Variants in KIF3C observed in about 807,000 individuals in gnomAD.
KIF3C encodes the protein kinesin-like protein KIF3C.
In KIF3C, 12 loss-of-function variants were observed where a neutral mutation model predicts 67.7. The ratio of observed to expected loss-of-function variants is 0.18; its 90% CI spans 0.11 to 0.29. The LOEUF is 0.29. Among genes scored for constraint, KIF3C ranks in the 10% least tolerant of loss-of-function variants. KIF3C has a pLI of 1.00. For synonymous variants in KIF3C, 393 were observed against 426.2 expected (o/e 0.92, Z 0.96); for missense variants, 789 against 1,059.6 (o/e 0.74, Z 3.55).
intron 4 of KIF3C, among the ~76,000 whole-genome samples, chr2:25,952,487 A>C (rs1431878920): frequency 6.6e-6 from 1 of 151,986 alleles, no homozygotes; most frequent in East Asian, 1.9e-4. Context: ...TTGATAGCAC[A>C]ATAGGGTGAC....
At chr2:25,953,836 T>G (rs1663725148) in intron 4 of KIF3C, among the ~76,000 whole-genome samples, 2 of 151,556 alleles carry the variant, frequency 1.3e-5, no homozygotes, top group African/African-American at 2.4e-5. Context: ...CCCGGCTAAT[T>G]TTTGTATTTT....
chr2:25,964,587 C>T (rs1451807679), intron 1 of KIF3C, among the ~76,000 whole-genome samples: 7 of 152,198 alleles, frequency 4.6e-5, no homozygotes, highest in African/African-American at 1.7e-4. Flanking sequence ...CCACCTCAGC[C>T]TTCTGAGTAG....
In KIF3C at chr2:25,981,718, C is replaced by G; in HGVS notation, c.200G>C (p.Ser67Thr). 1.2e-6 allele frequency: 2 copies of G among 1,613,514 alleles called. No homozygotes were observed. Among genetic ancestry groups the G allele is most frequent in the Non-Finnish European group, 1.7e-6 (2 of 1,179,578 alleles). ...GTCATACAGGTCGGCCTGCTTGGAG[C>G]TGGCATCATACACGGCGTCAAAGGT... The part of the protein sequence containing the change: ...TFTFDAVYDA[S>T]SKQADLYDET... The change falls in exon 1 of 8, where the codon AGC becomes ACC. Residue 67 changes from serine to threonine, a missense_variant. Coordinates refer to ENST00000264712, the MANE Select transcript of KIF3C (RefSeq NM_002254.8). The surrounding 1 kb of genome is among the most constrained non-coding windows in gnomAD (Gnocchi z 8.2).
chr2:25,956,286 C>G (rs913840358), intron 2 of KIF3C, 57 bp downstream of exon 2: 19 of 1,320,166 alleles, frequency 1.4e-5, no homozygotes, highest in Non-Finnish European at 2.1e-5. Flanking sequence ...CCTGCACCTC[C>G]CAGACATGAG....
chr2:25,926,981 A>G lies in KIF3C; in HGVS notation c.*1997T>C, dbSNP rs1040717618. 7 of 152,572 alleles carry G rather than the reference A, an allele frequency of 4.6e-5. No individual in the cohort carries two copies. The highest frequency in any genetic ancestry group is 1.0e-4 in the Non-Finnish European group (7 of 68,066). The allele number at this position is 152,572 out of a possible 1,614,324, so 9.5% of individuals were successfully genotyped here. A position where few individuals can be genotyped will look rare whatever the true frequency, so the allele number is the denominator to read the frequency against. ...AGCCACTCCTGGTGGCCCTGTTCCC[A>G]GCAGATCTTACACTGAGTGTAGAGT... On this transcript the variant is annotated 3_prime_UTR_variant, in exon 8 of 8. Coordinates refer to ENST00000264712, the MANE Select transcript of KIF3C (RefSeq NM_002254.8).
intron 5 of KIF3C, among the ~76,000 whole-genome samples, chr2:25,930,588 A>G (rs1170314721): frequency 6.6e-6 from 1 of 151,774 alleles, no homozygotes; most frequent in East Asian, 1.9e-4. Context: ...CCCATGCTGG[A>G]GTGCAATGGC....
intron 1 of KIF3C, among the ~76,000 whole-genome samples, chr2:25,963,019 T>A (rs11900793): frequency 0.39 from 11,584 of 29,880 alleles, 2,708 homozygotes; most frequent in Middle Eastern, 0.47. Flanking sequence ...ATAATATATA[T>A]AATATATAAT....
Position 25,980,237 on chromosome 2 carries a change from T to C in KIF3C, c.1545+136A>G, listed in dbSNP as rs1202730643. On this transcript the variant is annotated intron_variant, in intron 1 of 7. Transcript: ENST00000264712. This position sits in a 1 kb window ranked among gnomAD's most constrained non-coding sequence, Gnocchi z 7.6. ...TTTGCCTGGCTGCTCTGGGGGCACA[T>C]TTGGCAGGAGGGCAGTGTGCGGTGC... The C allele has an allele frequency of 2.8e-6, 2 of 722,250 alleles. No individual in the cohort carries two copies. The highest frequency in any genetic ancestry group is 1.9e-5 in the South Asian group (1 of 52,822). The allele number at this position is 722,250 out of a possible 1,614,324, so 44.7% of individuals were successfully genotyped here.
At chr2:25,930,085 A>G in intron 5 of KIF3C, 22 bp from the exon 6 acceptor site, 1 of 1,586,358 alleles carries the variant, frequency 6.3e-7, no homozygotes, top group Non-Finnish European at 8.7e-7. Flanking sequence ...AGGCTATATT[A>G]GAAAGGATTT....
rs1458627267 is a variant in KIF3C at position 25,929,029 on chromosome 2, G to T, written c.2331C>A (p.Ala777=). 3.0e-5 allele frequency: 48 copies of T among 1,613,782 alleles called. No homozygotes were observed. Among genetic ancestry groups the T allele is most frequent in the Non-Finnish European group, 4.0e-5 (47 of 1,179,980 alleles). Residue 777 remains alanine, a synonymous_variant, in exon 8 of 8, where the codon GCC becomes GCA. Transcript: ENST00000264712. Reference sequence around the variant, plus strand: ...GGCGCAGAGAAGCAGAGGCCAGGGAGGCATGTGTGGTGGAAGGTGGAGGCC... The same window carrying T: ...GGCGCAGAGAAGCAGAGGCCAGGGATGCATGTGTGGTGGAAGGTGGAGGCC... ...PQRPPPSTTH[A]SLASASLRPA...
chr2:25,966,997 C>T (rs528227224), intron 1 of KIF3C, among the ~76,000 whole-genome samples: 1 of 152,194 alleles, frequency 6.6e-6, no homozygotes, highest in Non-Finnish European at 1.5e-5. Flanking sequence ...TGACCACCAC[C>T]GCCCTAACTC....
chr2:25,943,895 T>C lies in KIF3C; in HGVS notation c.2006+7894A>G, dbSNP rs191561687. Among the ~76,000 whole-genome samples, 43 of 152,274 alleles carry C rather than the reference T, an allele frequency of 2.8e-4. No homozygotes were observed. The East Asian group carries it at 7.9e-3, about 28-fold the overall frequency. ...AAAAAAAAATCCTAGAACCATTTTT[T>C]ACTTGCCTTTTCTATTTTTGTATTT... On this transcript the variant is annotated intron_variant, in intron 5 of 7. Transcript: ENST00000264712.
chr2:25,930,627 T>C (rs533272477), intron 5 of KIF3C, among the ~76,000 whole-genome samples: 1 of 152,306 alleles, frequency 6.6e-6, no homozygotes, highest in South Asian at 2.1e-4. Flanking sequence ...AACCTCTGCC[T>C]CCCGGGTTCA....
At chr2:25,940,650 CTTTTTTTTTTTTT>C (rs70950139) in intron 5 of KIF3C, among the ~76,000 whole-genome samples, 4 of 74,172 alleles carry the variant, frequency 5.4e-5, no homozygotes, top group African/African-American at 1.1e-4. Flanking sequence ...TCAGAATGTT[CTTTTTTTTTTTTT>C]TTTTTTTTTT....
chr2:25,934,969 C>T (rs1035288914), intron 5 of KIF3C, among the ~76,000 whole-genome samples: 12 of 152,074 alleles, frequency 7.9e-5, no homozygotes, highest in African/African-American at 1.2e-4. Flanking sequence ...TATGGCCAGG[C>T]GCAGTGGCTC....
chr2:25,939,649 C>G (rs1663234436), intron 5 of KIF3C, among the ~76,000 whole-genome samples: 3 of 152,160 alleles, frequency 2.0e-5, no homozygotes, highest in African/African-American at 7.2e-5. Flanking sequence ...GAAACACTCT[C>G]TCTTTAAACC....
rs993236848 is a variant in KIF3C, at chr2:25,929,129, A to G, written c.2289-58T>C. The G allele has an allele frequency of 2.0e-6, 3 of 1,504,544 alleles. No individual in the cohort carries two copies. The African/African-American group carries it at 4.1e-5, about 21-fold the overall frequency. 93.2% of individuals were successfully genotyped at this position (1,504,544 alleles called of 1,614,324 possible). ...GTTAGGGAAATACAGGAAACAGGAAAGTGGGTCCTCTCCTTTGCCCCATCC... is the reference window on the plus strand; with the variant it reads ...GTTAGGGAAATACAGGAAACAGGAAGGTGGGTCCTCTCCTTTGCCCCATCC... On this transcript the variant is annotated intron_variant, in intron 7 of 7. Transcript: ENST00000264712.
Position 25,982,059 on chromosome 2 carries a change from G to A in KIF3C, c.-142C>T. 3.1e-6 allele frequency: 2 copies of A among 638,484 alleles called. No individual in the cohort carries two copies. The highest frequency in any genetic ancestry group is 4.5e-5 in the South Asian group (2 of 44,826). The allele number at this position is 638,484 out of a possible 1,614,324, so 39.6% of individuals were successfully genotyped here. A position where few individuals can be genotyped will look rare whatever the true frequency, so the allele number is the denominator to read the frequency against. On this transcript the variant is annotated 5_prime_UTR_variant, in exon 1 of 8. Transcript: ENST00000264712. ...TCCGCATGCAGCCTCCTAGGGTGGG[G>A]ACGCTGGGAGGTGGCCCCAACGCTG...
At chr2:25,938,740 G>A (rs1467232635) in intron 5 of KIF3C, among the ~76,000 whole-genome samples, 1 of 152,060 alleles carries the variant, frequency 6.6e-6, no homozygotes, top group East Asian at 1.9e-4. Flanking sequence ...TTGGCAGCCC[G>A]GAGCTGAGGC....
Sources: gnomAD v4.1 joint callset for allele counts (sites outside exome capture counted in the v4.1 genomes callset) on GRCh38, gnomAD v4.1.1 for gene constraint, Gnocchi (gnomAD v3.1) non-coding constraint, MANE v1.5 for transcripts, NCBI Gene and HGNC (gene_info 2026-07-23, HGNC 2026-07-21) for gene names.